The following ZDHHC15 variants were observed in gnomAD, a reference collection of about 807,000 sequenced individuals.
ZDHHC15 encodes zDHHC palmitoyltransferase 15.
Under a neutral mutation model 31.7 loss-of-function variants are expected in ZDHHC15, and 19 were observed. The observed-to-expected ratio is 0.60, with a 90% CI of 0.42 to 0.88. The LOEUF (loss-of-function observed/expected upper bound fraction) is 0.88, where lower values mean the gene tolerates loss of function less well. Among genes scored for constraint, ZDHHC15 ranks in the 40% least tolerant of loss-of-function variants. The pLI, the probability that ZDHHC15 is intolerant of heterozygous loss-of-function variation, is 0.00. For missense variants in ZDHHC15, 209 were observed against 251.2 expected (o/e 0.83, Z 1.14); for synonymous variants, 103 against 90.0 (o/e 1.14, Z -0.82).
At chrX:75,459,005 A>C (rs1489533617) in intron 3 of ZDHHC15, among the ~76,000 whole-genome samples, 19 of 97,041 alleles carry the variant, frequency 2.0e-4, no homozygotes, top group Middle Eastern at 5.6e-3. Flanking sequence ...AAAAAAAAAA[A>C]AAAAAACAAC....
rs943130577 is a variant in ZDHHC15, at chrX:75,490,925, G to C, written c.164-11940C>G. Among the ~76,000 whole-genome samples, 3 of 111,890 alleles carry C rather than the reference G, an allele frequency of 2.7e-5. No individual in the cohort carries two copies. In the East Asian group the frequency reaches 8.5e-4, roughly 32 times the overall value. On this transcript the variant is annotated intron_variant, in intron 2 of 11. Coordinates refer to ENST00000373367, the MANE Select transcript of ZDHHC15 (RefSeq NM_144969.3). ...AAAATGCAAAACAAAACCACAATGA[G>C]ATACCATCTCACACCAGTTAGAATG...
At chrX:75,421,441 T>TTATATAATATATATTA (rs2083638486) in intron 9 of ZDHHC15, among the ~76,000 whole-genome samples, 1 of 65,766 alleles carries the variant, frequency 1.5e-5, no homozygotes, top group African/African-American at 7.3e-5. Context: ...ATAATATATA[T>TTATATAATATATATTA]TATATATATA....
intron 3 of ZDHHC15, among the ~76,000 whole-genome samples, chrX:75,477,941 AC>A (rs201211931): frequency 0.012 from 1,306 of 111,088 alleles, 24 homozygotes; most frequent in African/African-American, 0.041. Flanking sequence ...CTCAATTTCT[AC>A]ATTGTTGCCT....
intron 1 of ZDHHC15, among the ~76,000 whole-genome samples, chrX:75,516,512 C>A (rs1218616225): frequency 8.9e-6 from 1 of 112,291 alleles, no homozygotes; most frequent in Admixed American, 9.4e-5. Flanking sequence ...ATAAATGGTG[C>A]TGGGAAAACT....
Position 75,369,159 on chromosome X carries a change from C to T in ZDHHC15, c.*3819G>A, listed in dbSNP as rs1297955336. 8.9e-6 allele frequency: 1 copy of T among 112,255 alleles called. No homozygotes were observed. Among genetic ancestry groups the T allele is most frequent in the Non-Finnish European group, 1.9e-5 (1 of 53,266 alleles). 9.3% of individuals were successfully genotyped at this position (112,255 alleles called of 1,213,427 possible). On this transcript the variant is annotated 3_prime_UTR_variant, in exon 12 of 12. Coordinates refer to ENST00000373367, the MANE Select transcript of ZDHHC15 (RefSeq NM_144969.3). ...TCTTCTGTACCGAATCTCTTAGCTA[C>T]TCTGAGAGCAGAGATTCTGGAATGT...
Position 75,387,338 on chromosome X carries a change from T to A in ZDHHC15, c.968-8140A>T, listed in dbSNP as rs750982241. On this transcript the variant is annotated intron_variant, in intron 10 of 11. Transcript: ENST00000373367. ...ATGGACAAATCAAGGAACCAGTGAC[T>A]GACCCTAATGAGACAGCAATATTTG... 3.6e-5 allele frequency among the ~76,000 whole-genome samples: 4 copies of A among 111,643 alleles called. No homozygotes were observed. In the South Asian group the frequency reaches 1.5e-3, roughly 42 times the overall value.
rs1051216182 is a variant in ZDHHC15, at chrX:75,422,425, A to G, written c.737-435T>C. 5.4e-5 allele frequency among the ~76,000 whole-genome samples: 6 copies of G among 112,037 alleles called. No homozygotes were observed. In the South Asian group the frequency reaches 1.9e-3, roughly 35 times the overall value. On this transcript the variant is annotated intron_variant, in intron 8 of 11. Transcript: ENST00000373367. ...TGACACATAAAGAGATGGTAATGAC[A>G]TTGATTTGGTTTTGAAACATTTCAA...
chrX:75,505,842 C>T lies in ZDHHC15; in HGVS notation c.142G>A (p.Val48Ile). 8.3e-7 allele frequency: 1 copy of T among 1,206,550 alleles called. No individual in the cohort carries two copies. Among genetic ancestry groups the T allele is most frequent in the Non-Finnish European group, 1.1e-6 (1 of 891,678 alleles). Residue 48 changes from valine (V) to isoleucine (I), a missense_variant, in exon 2 of 12, where the codon GTT (valine) becomes ATT (isoleucine). Coordinates refer to ENST00000373367, the MANE Select transcript of ZDHHC15 (RefSeq NM_144969.3). The stretch of plus-strand genomic sequence containing the variant: ...TTACCTTTTTCTGCTGGGCTCAAAA[C>T]AGTCACTGTGAAGAGACAGGAGAAA... ...AYVFELCLVT[V>I]LSPAEKVIYL...
intron 3 of ZDHHC15, among the ~76,000 whole-genome samples, chrX:75,464,278 C>T (rs1378264709): frequency 9.1e-6 from 1 of 110,208 alleles, no homozygotes; most frequent in Non-Finnish European, 1.9e-5. Flanking sequence ...CACACCGGGG[C>T]CTGTTGTGCG....
intron 10 of ZDHHC15, among the ~76,000 whole-genome samples, chrX:75,399,619 G>A (rs1204973945): frequency 9.0e-6 from 1 of 111,655 alleles, no homozygotes; most frequent in Non-Finnish European, 1.9e-5. Flanking sequence ...CCTCTACGCT[G>A]GGGAAGGAAC....
chrX:75,489,054 G>A (rs188674682), intron 2 of ZDHHC15, among the ~76,000 whole-genome samples: 85 of 111,849 alleles, frequency 7.6e-4, no homozygotes, highest in Non-Finnish European at 1.1e-3. Flanking sequence ...AGGAGTGCCC[G>A]CCATTGCCTA....
At chrX:75,390,704 A>G (rs2083233817) in intron 10 of ZDHHC15, among the ~76,000 whole-genome samples, 2 of 111,192 alleles carry the variant, frequency 1.8e-5, no homozygotes, top group African/African-American at 6.5e-5. Context: ...AGATCACAAC[A>G]CCCAAATCCC....
At chrX:75,471,177 T>C (rs967155616) in intron 3 of ZDHHC15, among the ~76,000 whole-genome samples, 14 of 112,486 alleles carry the variant, frequency 1.2e-4, no homozygotes, top group Non-Finnish European at 1.9e-4. Context: ...TCTCCATTCC[T>C]GTCCATAAGG....
At chrX:75,507,854 A>T (rs1286886851) in intron 1 of ZDHHC15, among the ~76,000 whole-genome samples, 1 of 111,734 alleles carries the variant, frequency 8.9e-6, no homozygotes, top group Non-Finnish European at 1.9e-5. Flanking sequence ...CATCACAGAC[A>T]ACCAGTGTTA....
At chrX:75,495,560 A>G (rs1399498368) in intron 2 of ZDHHC15, among the ~76,000 whole-genome samples, 1 of 111,264 alleles carries the variant, frequency 9.0e-6, no homozygotes, top group African/African-American at 3.3e-5. Flanking sequence ...GACTGGATTA[A>G]GAAAATGTGG....
chrX:75,439,347 C>A (rs188297419), intron 4 of ZDHHC15, among the ~76,000 whole-genome samples: 43 of 111,580 alleles, frequency 3.9e-4, no homozygotes, highest in Middle Eastern at 4.7e-3. Flanking sequence ...CTTCTTGGAG[C>A]CTTTGTTCAT....
intron 10 of ZDHHC15, among the ~76,000 whole-genome samples, chrX:75,405,880 C>G (rs184209819): frequency 8.9e-6 from 1 of 112,328 alleles, no homozygotes; most frequent in African/African-American, 3.2e-5. Context: ...TTCTTCAGCA[C>G]ATAGAGCATT....
At chrX:75,394,198 A>T (rs2083274981) in intron 10 of ZDHHC15, among the ~76,000 whole-genome samples, 1 of 111,618 alleles carries the variant, frequency 9.0e-6, no homozygotes, top group African/African-American at 3.3e-5. Context: ...CATATTACAG[A>T]TACACAAAAA....
chrX:75,458,884 A>G (rs1253207048), intron 3 of ZDHHC15, among the ~76,000 whole-genome samples: 2 of 108,326 alleles, frequency 1.8e-5, no homozygotes, highest in East Asian at 5.8e-4. Context: ...ACCTTCAACT[A>G]AAATATACAG....
Sources: gnomAD v4.1 joint callset for allele counts (sites outside exome capture counted in the v4.1 genomes callset) on GRCh38, gnomAD v4.1.1 for gene constraint, MANE v1.5 for transcripts, NCBI Gene and HGNC (gene_info 2026-07-23, HGNC 2026-07-21) for gene names.